DNAH10: variants seen among roughly 807,000 people sequenced by gnomAD.
DNAH10 encodes the protein dynein axonemal heavy chain 10.
In DNAH10, 348 loss-of-function variants were observed where a neutral mutation model predicts 506.6. That is an observed-to-expected ratio of 0.69 (90% CI 0.63 to 0.75). The LOEUF is 0.75. Ranked by LOEUF, DNAH10 falls within the 30% of genes least tolerant of loss-of-function variation. The pLI is 0.00. For missense variants in DNAH10, 5,179 were observed against 5,787.1 expected, an observed-to-expected ratio of 0.89 and a Z score of 3.41; for synonymous variants, 2,059 against 2,198.6, an observed-to-expected ratio of 0.94 and a Z score of 1.78.
At position 123,787,626 on chromosome 12, in the gene DNAH10, C is replaced by A. The variant is rs570453522; in HGVS notation, c.1422-178C>A. On this transcript the variant is annotated intron_variant, in intron 9 of 78. Transcript: ENST00000673944. The surrounding 1 kb of genome is among the most constrained non-coding windows in gnomAD (Gnocchi z 4.6). ...CGGAAACCTCGCAGCTTGGGACTCC[C>A]GCCCTTGCACATGGGACAGGGCAGC... is the stretch of plus-strand genomic sequence containing the variant. 3.9e-5 allele frequency among the ~76,000 whole-genome samples: 6 copies of A among 152,352 alleles called. No individual in the cohort carries two copies. The highest frequency in any genetic ancestry group is 1.2e-4 in the African/African-American group (5 of 41,588).
Position 123,826,794 on chromosome 12 carries a change from A to G in DNAH10, c.4287A>G (p.Pro1429=), listed in dbSNP as rs1960042489. 6.2e-7 allele frequency: 1 copy of G among 1,613,934 alleles called. No homozygotes were observed. Among genetic ancestry groups the G allele is most frequent in the Non-Finnish European group, 8.5e-7 (1 of 1,179,906 alleles). Residue 1429 remains proline, a synonymous_variant, in exon 25 of 79, where the codon CCA becomes CCG. Transcript: ENST00000673944. ...FLRALRKLPR[P]VRGLSVTYYL... Reference sequence around the variant, plus strand: ...GGGCTCTCAGAAAGCTACCTCGGCCAGTCCGTGGCTTATCAGTGACCTACT... The same window carrying G: ...GGGCTCTCAGAAAGCTACCTCGGCCGGTCCGTGGCTTATCAGTGACCTACT...
intron 27 of DNAH10, among the ~76,000 whole-genome samples, chr12:123,834,460 G>A (rs1021723946): frequency 5.9e-5 from 9 of 152,066 alleles, no homozygotes; most frequent in African/African-American, 2.2e-4. Context: ...TGCCCACCTC[G>A]GGCTCCCAAA....
In DNAH10 at chr12:123,818,930, T is replaced by C. The variant is rs568476253; in HGVS notation, c.3781-20T>C. The stretch of plus-strand genomic sequence containing the variant: ...GCTCATCATTTGTTGTTTATTCTGT[T>C]TTTTGTTTCTCCTAATTAGCCTCCT... On this transcript the variant is annotated intron_variant, in intron 21 of 78. Transcript: ENST00000673944. The C allele has an allele frequency of 5.0e-5, 75 of 1,512,470 alleles. No individual in the cohort carries two copies. The South Asian group carries it at 8.1e-4, about 16-fold the overall frequency. 93.7% of individuals were successfully genotyped at this position (1,512,470 alleles called of 1,614,324 possible). A position where few individuals can be genotyped will look rare whatever the true frequency, so the allele number is the denominator to read the frequency against.
chr12:123,864,150 T>TTC (rs1170947283), intron 39 of DNAH10, among the ~76,000 whole-genome samples: 1 of 147,894 alleles, frequency 6.8e-6, no homozygotes, highest in Non-Finnish European at 1.5e-5. Flanking sequence ...TTTCTTTTTT[T>TTC]TTTTTTTTTT....
chr12:123,932,440 T>C (rs1955259617), intron 76 of DNAH10, among the ~76,000 whole-genome samples: 1 of 152,004 alleles, frequency 6.6e-6, no homozygotes, highest in African/African-American at 2.4e-5. Flanking sequence ...TCCTTCTGTA[T>C]CCTAAAAATA....
intron 52 of DNAH10, among the ~76,000 whole-genome samples, chr12:123,890,439 T>TAAA (rs1272003377): frequency 7.1e-6 from 1 of 140,288 alleles, no homozygotes; most frequent in Non-Finnish European, 1.6e-5. Flanking sequence ...ACCAGCTGAT[T>TAAA]AAAAAAAAAA....
At chr12:123,820,177 C>T (rs890321661) in intron 23 of DNAH10, among the ~76,000 whole-genome samples, 14 of 152,116 alleles carry the variant, frequency 9.2e-5, no homozygotes, top group Admixed American at 4.6e-4. Context: ...TGAGCAGGGA[C>T]GTAGTGACCT....
rs1468527398 is a variant in DNAH10, at chr12:123,820,706, A to C, written c.4127A>C (p.Gln1376Pro). ...ATGTACCCAGAGCTGCTGAAAGTGC[A>C]GAAGGAAATGAGTGGGCTGAGGATG... ...ITMYPELLKV[Q>P]KEMSGLRMIY... is the part of the protein sequence containing the mutation. Residue 1376 changes from glutamine (Q) to proline (P), a missense_variant, in exon 24 of 79, where the codon CAG (glutamine) becomes CCG (proline). Gln to Pro is a moderately conservative substitution (Grantham distance 76). This residue lies in a region of DNAH10 where 4,844 missense variants were observed against 5,430.5 expected (regional missense o/e 0.89). Coordinates refer to ENST00000673944, the MANE Select transcript of DNAH10 (RefSeq NM_001372106.1). 6.2e-7 allele frequency: 1 copy of C among 1,614,018 alleles called. No homozygotes were observed. Among genetic ancestry groups the C allele is most frequent in the Non-Finnish European group, 8.5e-7 (1 of 1,179,896 alleles).
At chr12:123,780,790 A>G (rs1181846982) in intron 5 of DNAH10, among the ~76,000 whole-genome samples, 1 of 151,750 alleles carries the variant, frequency 6.6e-6, no homozygotes, top group African/African-American at 2.4e-5. Flanking sequence ...CTCTACTAAA[A>G]ATACAAAAAT....
At position 123,909,096 on chromosome 12, in the gene DNAH10, C is replaced by T. The variant is rs539993772; in HGVS notation, c.9816-165C>T. ...CCGGCCCTGCCCTTAGGGACGCTCC[C>T]GCCCAGGAGTGCGGTTTGTGTTGGG... On this transcript the variant is annotated intron_variant, in intron 57 of 78. Coordinates refer to ENST00000673944, the MANE Select transcript of DNAH10 (RefSeq NM_001372106.1). This position sits in a 1 kb window ranked among gnomAD's most constrained non-coding sequence, Gnocchi z 5.4. 1.4e-4 allele frequency among the ~76,000 whole-genome samples: 21 copies of T among 152,252 alleles called. No homozygotes were observed. Among genetic ancestry groups the T allele is most frequent in the East Asian group, 3.9e-4 (2 of 5,178 alleles).
chr12:123,875,927 G>A (rs1952237051), intron 47 of DNAH10, among the ~76,000 whole-genome samples: 2 of 152,190 alleles, frequency 1.3e-5, no homozygotes, highest in Non-Finnish European at 2.9e-5. Flanking sequence ...TGGGTTTTGG[G>A]AGGATGAAAG....
At chr12:123,765,585 T>TATCTATCTA (rs1555302056) in intron 1 of DNAH10, among the ~76,000 whole-genome samples, 14 of 151,996 alleles carry the variant, frequency 9.2e-5, no homozygotes, top group African/African-American at 2.2e-4. Context: ...TCTATCTATC[T>TATCTATCTA]ATCTATCTAT....
intron 54 of DNAH10, among the ~76,000 whole-genome samples, chr12:123,896,111 T>TCA (rs112187635): frequency 0.14 from 6,678 of 48,530 alleles, 794 homozygotes; most frequent in East Asian, 0.22. Flanking sequence ...AGACTTTATC[T>TCA]CACACACACA....
chr12:123,816,622 TG>T (rs1959152603), intron 21 of DNAH10, among the ~76,000 whole-genome samples: 1 of 152,240 alleles, frequency 6.6e-6, no homozygotes, highest in African/African-American at 2.4e-5. Flanking sequence ...AGTGTCCTTC[TG>T]AGTTCTGTGA....
intron 11 of DNAH10, 67 bp downstream of exon 11, chr12:123,790,188 T>C: frequency 6.6e-7 from 1 of 1,518,462 alleles, no homozygotes; most frequent in South Asian, 1.2e-5. Context: ...TTAAATTTGT[T>C]GGGTTATTTA....
intron 25 of DNAH10, among the ~76,000 whole-genome samples, chr12:123,828,148 C>CA (rs1015966791): frequency 8.6e-5 from 13 of 150,856 alleles, no homozygotes; most frequent in Non-Finnish European, 1.5e-4. Flanking sequence ...AAGAGAAAAC[C>CA]AAAAGCTCTT....
At position 123,918,723 on chromosome 12, in the gene DNAH10, C is replaced by T; in HGVS notation, c.11280C>T (p.Asp3760=). Residue 3760 remains aspartate, a synonymous_variant, in exon 65 of 79, where the codon GAC becomes GAT. Transcript: ENST00000673944. ...KLAEKTALDI[D]RLRDGYRPAA... is the part of the protein sequence containing the mutation. The stretch of plus-strand genomic sequence containing the variant: ...CGGAGAAGACAGCCTTGGACATCGA[C>T]AGGCTGCGGGATGGCTACCGGCCAG... 1 of 1,594,074 alleles carries T rather than the reference C, an allele frequency of 6.3e-7. No homozygotes were observed. The highest frequency in any genetic ancestry group is 8.6e-7 in the Non-Finnish European group (1 of 1,166,102).
rs1273161712 is a variant in DNAH10, at chr12:123,926,512, A to G, written c.11922-125A>G. ...ATCTAAAACAGGGAAGACTGCAACG[A>G]GCTATCCCAGAGGAGTGGTCAGAAG... On this transcript the variant is annotated intron_variant, in intron 68 of 78. Coordinates refer to ENST00000673944, the MANE Select transcript of DNAH10 (RefSeq NM_001372106.1). This position sits in a 1 kb window ranked among gnomAD's most constrained non-coding sequence, Gnocchi z 4.1. 12 of 997,772 alleles carry G rather than the reference A, an allele frequency of 1.2e-5. No homozygotes were observed. The highest frequency in any genetic ancestry group is 1.3e-5 in the Non-Finnish European group (9 of 692,610). 61.8% of individuals were successfully genotyped at this position (997,772 alleles called of 1,614,324 possible). A position where few individuals can be genotyped will look rare whatever the true frequency, so the allele number is the denominator to read the frequency against.
intron 5 of DNAH10, 86 bp from the exon 6 acceptor site, chr12:123,780,994 A>G (rs972986098): frequency 6.7e-6 from 7 of 1,049,176 alleles, no homozygotes; most frequent in Non-Finnish European, 4.1e-6. Flanking sequence ...ATTTGAATAA[A>G]GAATATTCAA....
Sources: gnomAD v4.1 joint callset for allele counts (sites outside exome capture counted in the v4.1 genomes callset) on GRCh38, gnomAD v4.1.1 for gene constraint, gnomAD v4.1.1 regional missense constraint, Gnocchi (gnomAD v3.1) non-coding constraint, MANE v1.5 for transcripts, NCBI Gene and HGNC (gene_info 2026-07-23, HGNC 2026-07-21) for gene names.